The following ADARB2 variants were observed in gnomAD, a reference collection of about 807,000 sequenced individuals.
ADARB2 encodes inactive double-stranded RNA-specific editase B2.
A neutral mutation model predicts 62.2 loss-of-function variants in ADARB2; 25 were observed. The observed-to-expected ratio is 0.40, with a 90% CI of 0.29 to 0.56. ADARB2 has a LOEUF of 0.56. Ranked by LOEUF, ADARB2 falls within the 20% of genes least tolerant of loss-of-function variation. The pLI, the probability that ADARB2 is intolerant of heterozygous loss-of-function variation, is 0.43. For missense variants in ADARB2, 1,071 were observed against 1,077.4 expected (o/e 0.99, Z 0.08); for synonymous variants, 572 against 500.8 (o/e 1.14, Z -1.90).
chr10:1,603,258 C>T (rs1833450518), intron 1 of ADARB2, among the ~76,000 whole-genome samples: 1 of 152,208 alleles, frequency 6.6e-6, no homozygotes, highest in Admixed American at 6.5e-5. Context: ...AGGCAGCACC[C>T]CCGGATGACA....
chr10:1,279,504 C>T (rs1831351565), intron 3 of ADARB2, among the ~76,000 whole-genome samples: 1 of 152,154 alleles, frequency 6.6e-6, no homozygotes, highest in African/African-American at 2.4e-5. Flanking sequence ...TTTGTAGAGG[C>T]AGGGTCTCAA....
intron 1 of ADARB2, among the ~76,000 whole-genome samples, chr10:1,625,063 G>A (rs1400530866): frequency 1.3e-5 from 2 of 152,174 alleles, no homozygotes; most frequent in African/African-American, 2.4e-5. Flanking sequence ...AACTGTCTGG[G>A]GAAATGTGAA....
chr10:1,251,098 A>G (rs936807075), intron 4 of ADARB2, among the ~76,000 whole-genome samples: 2 of 152,200 alleles, frequency 1.3e-5, no homozygotes, highest in African/African-American at 2.4e-5. Flanking sequence ...AAATTGATCA[A>G]TGTTTAGATG....
At chr10:1,680,626 G>A (rs908093523) in intron 1 of ADARB2, among the ~76,000 whole-genome samples, 3 of 152,188 alleles carry the variant, frequency 2.0e-5, no homozygotes, top group African/African-American at 7.2e-5. Flanking sequence ...AGGGACTGAA[G>A]GAGCGAGTGA....
At chr10:1,575,947 G>T (rs184389646) in intron 1 of ADARB2, among the ~76,000 whole-genome samples, 10 of 34,134 alleles carry the variant, frequency 2.9e-4, no homozygotes, top group African/African-American at 1.1e-3. Flanking sequence ...AGCACAAAGC[G>T]CATGGGAGGG....
chr10:1,260,242 A>G (rs1250653343), intron 4 of ADARB2, among the ~76,000 whole-genome samples: 1 of 152,214 alleles, frequency 6.6e-6, no homozygotes, highest in Non-Finnish European at 1.5e-5. Flanking sequence ...AAACTGGCAC[A>G]AGACAGGGAT....
At chr10:1,241,258 CAA>C (rs968140357) in intron 5 of ADARB2, among the ~76,000 whole-genome samples, 1 of 150,006 alleles carries the variant, frequency 6.7e-6, no homozygotes, top group Non-Finnish European at 1.5e-5. Context: ...GACTCCATCT[CAA>C]AAAAAAAGAA....
rs894218701 is a variant in ADARB2 at position 1,183,128 on chromosome 10, G to C, written c.*65C>G. The C allele has an allele frequency of 3.1e-5, 48 of 1,548,734 alleles. No homozygotes were observed. The highest frequency in any genetic ancestry group is 4.2e-5 in the Non-Finnish European group (48 of 1,142,032). ...AGGGAACCGGCCGACCCGCCACGTC[G>C]CCCCCCAGACACGGTCCCATCCCTC... is the stretch of plus-strand genomic sequence containing the variant. On this transcript the variant is annotated 3_prime_UTR_variant, in exon 10 of 10. Transcript: ENST00000381312.
At chr10:1,204,427 C>T (rs951972175) in intron 7 of ADARB2, among the ~76,000 whole-genome samples, 12 of 152,222 alleles carry the variant, frequency 7.9e-5, no homozygotes, top group South Asian at 4.1e-4. Flanking sequence ...CACCTGAGTG[C>T]GTCTTAACAG....
chr10:1,203,387 G>A (rs535044917), intron 7 of ADARB2, among the ~76,000 whole-genome samples: 118 of 152,310 alleles, frequency 7.7e-4, no homozygotes, highest in African/African-American at 2.5e-3. Flanking sequence ...CAGGTGCGCC[G>A]GCATCAGGCA....
intron 8 of ADARB2, among the ~76,000 whole-genome samples, chr10:1,192,947 G>A (rs1836863325): frequency 6.6e-6 from 1 of 152,226 alleles, no homozygotes; most frequent in Non-Finnish European, 1.5e-5. Context: ...CGTCTCAAAA[G>A]AAAGAAAATT....
chr10:1,303,826 A>G (rs1831598821), intron 3 of ADARB2, among the ~76,000 whole-genome samples: 2 of 151,698 alleles, frequency 1.3e-5, no homozygotes, highest in Admixed American at 6.6e-5. Flanking sequence ...GCAAATGCTG[A>G]GAGATTTTGT....
At chr10:1,688,225 TC>T (rs1834621256) in intron 1 of ADARB2, among the ~76,000 whole-genome samples, 1 of 152,192 alleles carries the variant, frequency 6.6e-6, no homozygotes, top group Non-Finnish European at 1.5e-5. Context: ...GACCACCCTG[TC>T]CCACTGTCAG....
At chr10:1,707,730 T>C (rs1305233105) in intron 1 of ADARB2, among the ~76,000 whole-genome samples, 1 of 152,200 alleles carries the variant, frequency 6.6e-6, no homozygotes, top group Non-Finnish European at 1.5e-5. Context: ...ATACATTTCA[T>C]CTCCTTTCTT....
chr10:1,657,110 G>A (rs923050702), intron 1 of ADARB2, among the ~76,000 whole-genome samples: 8 of 151,282 alleles, frequency 5.3e-5, no homozygotes, highest in African/African-American at 1.7e-4. Context: ...TTTCCACAAC[G>A]TACACCATAG....
chr10:1,594,032 T>C (rs987392091), intron 1 of ADARB2, among the ~76,000 whole-genome samples: 1 of 152,108 alleles, frequency 6.6e-6, no homozygotes, highest in African/African-American at 2.4e-5. Context: ...TGGCTCATGC[T>C]TGTAATCCCA....
intron 8 of ADARB2, among the ~76,000 whole-genome samples, chr10:1,188,872 A>C (rs1361437141): frequency 6.6e-6 from 1 of 152,216 alleles, no homozygotes; most frequent in African/African-American, 2.4e-5. Context: ...GGTGAGAGGA[A>C]GTGCAGTCAG....
Position 1,599,180 on chromosome 10 carries a change from C to G in ADARB2, c.100+137871G>C, listed in dbSNP as rs186922733. Among the ~76,000 whole-genome samples, 715 of 152,340 alleles carry G rather than the reference C, an allele frequency of 4.7e-3. 6 individuals are homozygous for G. Among genetic ancestry groups the G allele is most frequent in the African/African-American group, 0.016 (677 of 41,582 alleles). On this transcript the variant is annotated intron_variant, in intron 1 of 9. Coordinates refer to ENST00000381312, the MANE Select transcript of ADARB2 (RefSeq NM_018702.4). ...GTTTATGATTGGCACGGGCCATCCT[C>G]CCTGCAGCGTTGACTCGCTTGACAA...
chr10:1,264,946 A>G (rs376197309), intron 4 of ADARB2, among the ~76,000 whole-genome samples: 2 of 152,250 alleles, frequency 1.3e-5, no homozygotes, highest in African/African-American at 4.8e-5. Context: ...TAGACTAGCA[A>G]AAATTTAAAC....
Sources: allele counts gnomAD v4.1 joint callset (sites outside exome capture counted in the v4.1 genomes callset), GRCh38; gene constraint gnomAD v4.1.1; transcripts MANE v1.5; gene names NCBI Gene and HGNC (gene_info 2026-07-23, HGNC 2026-07-21).